Variants in SYNDIG1 observed in about 807,000 individuals in gnomAD.
The protein encoded by SYNDIG1 is synapse differentiation inducing 1.
In SYNDIG1, 9 loss-of-function variants were observed where a neutral mutation model predicts 19.4. The observed-to-expected ratio is 0.46, with a 90% CI of 0.28 to 0.81. SYNDIG1 has a LOEUF of 0.81. Ranked by LOEUF, SYNDIG1 falls within the 30% of genes least tolerant of loss-of-function variation. SYNDIG1 has a pLI of 0.12. For missense variants in SYNDIG1, 311 were observed against 343.3 expected (o/e 0.91, Z 0.74); for synonymous variants, 141 against 145.9 (o/e 0.97, Z 0.24).
At position 24,511,557 on chromosome 20, in the gene SYNDIG1, C is replaced by T. The variant is rs183972216; in HGVS notation, c.-78-31463C>T. 2.2e-3 allele frequency among the ~76,000 whole-genome samples: 331 copies of T among 152,198 alleles called. 8 individuals carry two copies. The highest frequency in any genetic ancestry group is 4.4e-3 in the South Asian group (21 of 4,810). The stretch of plus-strand genomic sequence containing the variant: ...GATTTCCACTCCCTTCTTGAGGGGA[C>T]CCAGGCCCTGTCTCCTCTGCCCCCG... On this transcript the variant is annotated intron_variant, in intron 1 of 3. Coordinates refer to ENST00000376862, the MANE Select transcript of SYNDIG1 (RefSeq NM_024893.3).
intron 3 of SYNDIG1, among the ~76,000 whole-genome samples, chr20:24,660,034 A>G (rs2059568553): frequency 6.6e-6 from 1 of 152,122 alleles, no homozygotes. Flanking sequence ...TGTGCTGTAG[A>G]TAATAGGATG....
In SYNDIG1 at chr20:24,493,164, T is replaced by G. The variant is rs1045186384; in HGVS notation, c.-79+23411T>G. On this transcript the variant is annotated intron_variant, in intron 1 of 3. Transcript: ENST00000376862. ...GAAAAATTACACAAGCAAACCTAAA[T>G]GACACTTGATCATTTTTCACTCCAA... is the stretch of plus-strand genomic sequence containing the variant. 5.3e-5 allele frequency among the ~76,000 whole-genome samples: 8 copies of G among 152,370 alleles called. No homozygotes were observed. The South Asian group carries it at 1.7e-3, about 32-fold the overall frequency.
intron 3 of SYNDIG1, among the ~76,000 whole-genome samples, chr20:24,588,655 T>TA (rs2058457221): frequency 1.3e-5 from 2 of 152,020 alleles, no homozygotes; most frequent in African/African-American, 4.8e-5. Flanking sequence ...GGGAATCTAA[T>TA]AAGAAGTGGG....
Position 24,610,774 on chromosome 20 carries a change from T to A in SYNDIG1, c.618+25781T>A, listed in dbSNP as rs552345935. On this transcript the variant is annotated intron_variant, in intron 3 of 3. Coordinates refer to ENST00000376862, the MANE Select transcript of SYNDIG1 (RefSeq NM_024893.3). ...CCTTCTCCCTGCCTGGACCAGGCACTGTGTATTTGCCCAGATGCATGTAAG... is the reference window on the plus strand; with the variant it reads ...CCTTCTCCCTGCCTGGACCAGGCACAGTGTATTTGCCCAGATGCATGTAAG... Among the ~76,000 whole-genome samples, 7 of 152,294 alleles carry A rather than the reference T, an allele frequency of 4.6e-5. No individual in the cohort carries two copies. In the South Asian group the frequency reaches 1.5e-3, roughly 32 times the overall value.
intron 1 of SYNDIG1, among the ~76,000 whole-genome samples, chr20:24,504,725 G>T (rs1427383574): frequency 2.0e-5 from 3 of 152,236 alleles, no homozygotes; most frequent in African/African-American, 4.8e-5. Context: ...AGAGTTGGGA[G>T]ATGTCAGAGT....
intron 2 of SYNDIG1, among the ~76,000 whole-genome samples, chr20:24,583,466 G>T (rs2058363124): frequency 1.3e-5 from 2 of 152,254 alleles, no homozygotes. Flanking sequence ...CCTCCAAGAG[G>T]AAGTGAGCGA....
intron 3 of SYNDIG1, among the ~76,000 whole-genome samples, chr20:24,635,340 A>C (rs1376266368): frequency 6.6e-6 from 1 of 152,216 alleles, no homozygotes; most frequent in Non-Finnish European, 1.5e-5. Flanking sequence ...ACCTCTGACC[A>C]AAGCAGCTTC....
intron 3 of SYNDIG1, among the ~76,000 whole-genome samples, chr20:24,608,551 C>A (rs573412806): frequency 6.6e-6 from 1 of 152,158 alleles, no homozygotes; most frequent in African/African-American, 2.4e-5. Flanking sequence ...GCAAGGCCCC[C>A]GTGTCCAGAC....
At chr20:24,661,909 C>T (rs1312787678) in intron 3 of SYNDIG1, among the ~76,000 whole-genome samples, 1 of 152,120 alleles carries the variant, frequency 6.6e-6, no homozygotes, top group Non-Finnish European at 1.5e-5. Context: ...GGGGGTTCCA[C>T]CAGAGAGAAT....
At chr20:24,652,787 C>T (rs1380659660) in intron 3 of SYNDIG1, among the ~76,000 whole-genome samples, 1 of 152,174 alleles carries the variant, frequency 6.6e-6, no homozygotes, top group East Asian at 1.9e-4. Context: ...GGGAGCAGCC[C>T]TCAAGCAGTG....
chr20:24,487,559 C>G (rs1460209172), intron 1 of SYNDIG1, among the ~76,000 whole-genome samples: 1 of 152,166 alleles, frequency 6.6e-6, no homozygotes, highest in African/African-American at 2.4e-5. Flanking sequence ...GCACTTTTTT[C>G]ATGCAGTGGG....
chr20:24,560,576 T>C (rs1182352857), intron 2 of SYNDIG1, among the ~76,000 whole-genome samples: 1 of 152,122 alleles, frequency 6.6e-6, no homozygotes, highest in East Asian at 1.9e-4. Context: ...CCTTTTATTA[T>C]TAAATACGGT....
chr20:24,520,387 AACTT>A (rs1450182477), intron 1 of SYNDIG1, among the ~76,000 whole-genome samples: 1 of 152,124 alleles, frequency 6.6e-6, no homozygotes, highest in Non-Finnish European at 1.5e-5. Flanking sequence ...GTGTAGAACT[AACTT>A]ACATCAAATT....
chr20:24,547,569 C>T (rs1027106037), intron 2 of SYNDIG1, among the ~76,000 whole-genome samples: 31 of 152,098 alleles, frequency 2.0e-4, no homozygotes, highest in African/African-American at 3.9e-4. Flanking sequence ...AGTGCCACTG[C>T]GCTCAGGGTG....
chr20:24,605,126 C>A (rs1362799083), intron 3 of SYNDIG1, among the ~76,000 whole-genome samples: 1 of 151,992 alleles, frequency 6.6e-6, no homozygotes, highest in Non-Finnish European at 1.5e-5. Context: ...CAAAGGGCAT[C>A]CCAACCAAGC....
chr20:24,660,898 G>T (rs1209846254), intron 3 of SYNDIG1, among the ~76,000 whole-genome samples: 1 of 152,220 alleles, frequency 6.6e-6, no homozygotes, highest in African/African-American at 2.4e-5. Context: ...ACCCCTGAGG[G>T]GGCCGGTCAG....
At chr20:24,585,136 A>T in intron 3 of SYNDIG1, 143 bp downstream of exon 3, 1 of 1,154,366 alleles carries the variant, frequency 8.7e-7, no homozygotes, top group Non-Finnish European at 1.2e-6. Context: ...CAGTTGGAGG[A>T]TAGGCTGGGA....
At chr20:24,508,429 A>C (rs925816299) in intron 1 of SYNDIG1, among the ~76,000 whole-genome samples, 2 of 4,492 alleles carry the variant, frequency 4.5e-4, no homozygotes, top group African/African-American at 4.1e-3. Context: ...GAGTTTCACC[A>C]TGTTGGCCAA....
intron 3 of SYNDIG1, among the ~76,000 whole-genome samples, chr20:24,657,933 T>G (rs73100735): frequency 0.1 from 15,160 of 152,128 alleles, 807 homozygotes; most frequent in East Asian, 0.13. Flanking sequence ...CATTTCCAGA[T>G]AAATAGTTCG....
Sources: gnomAD v4.1 joint callset for allele counts (sites outside exome capture counted in the v4.1 genomes callset) on GRCh38, gnomAD v4.1.1 for gene constraint, MANE v1.5 for transcripts, NCBI Gene and HGNC (gene_info 2026-07-23, HGNC 2026-07-21) for gene names.